NTNG1: variants seen among roughly 807,000 people sequenced by gnomAD.
The protein encoded by NTNG1 is netrin G1.
In NTNG1, 16 loss-of-function variants were observed where a neutral mutation model predicts 54.0. The observed-to-expected ratio is 0.30, with a 90% CI of 0.20 to 0.45. The LOEUF (loss-of-function observed/expected upper bound fraction) is 0.45. NTNG1 is among the 20% of genes least tolerant of loss of function. The pLI is 1.00. For missense variants in NTNG1, 530 were observed against 678.7 expected (o/e 0.78, Z 2.43); for synonymous variants, 255 against 263.1 (o/e 0.97, Z 0.30).
At chr1:107,452,295 CA>C (rs1201683037) in intron 7 of NTNG1, among the ~76,000 whole-genome samples, 2 of 152,112 alleles carry the variant, frequency 1.3e-5, no homozygotes, top group Non-Finnish European at 1.5e-5. Flanking sequence ...AAATTCTGAT[CA>C]TAAATTTGGG....
intron 2 of NTNG1, among the ~76,000 whole-genome samples, chr1:107,182,992 G>A (rs12087935): frequency 0.082 from 12,468 of 152,192 alleles, 1,717 homozygotes; most frequent in African/African-American, 0.28. Flanking sequence ...ATGGGATCTA[G>A]CAGGCTGGGA....
intron 7 of NTNG1, among the ~76,000 whole-genome samples, chr1:107,451,625 C>T (rs1259412326): frequency 6.6e-6 from 1 of 152,000 alleles, no homozygotes; most frequent in South Asian, 2.1e-4. Context: ...ATGTATTAGT[C>T]GTTGCAGCTA....
chr1:107,209,325 C>G (rs1659439782), intron 2 of NTNG1, among the ~76,000 whole-genome samples: 1 of 151,814 alleles, frequency 6.6e-6, no homozygotes, highest in Non-Finnish European at 1.5e-5. Flanking sequence ...CACTATGTGC[C>G]AAGAGCTGTA....
At chr1:107,397,823 T>G (rs552852659) in intron 4 of NTNG1, among the ~76,000 whole-genome samples, 4 of 152,196 alleles carry the variant, frequency 2.6e-5, no homozygotes, top group Admixed American at 2.0e-4. Context: ...ACTCCAATTC[T>G]TATGTGCTAA....
intron 6 of NTNG1, among the ~76,000 whole-genome samples, 161 bp downstream of exon 6, chr1:107,431,078 A>G (rs1274497594): frequency 2.0e-5 from 3 of 152,144 alleles, no homozygotes; most frequent in African/African-American, 4.8e-5. Flanking sequence ...TTTCACTTGT[A>G]TTGGTTGAAA....
At chr1:107,468,819 C>T (rs889970908) in intron 7 of NTNG1, among the ~76,000 whole-genome samples, 9 of 149,934 alleles carry the variant, frequency 6.0e-5, no homozygotes, top group African/African-American at 2.2e-4. Flanking sequence ...ATAGGAAGGC[C>T]GGGTGTGGTG....
At chr1:107,287,469 A>G (rs1347698350) in intron 2 of NTNG1, among the ~76,000 whole-genome samples, 1 of 152,148 alleles carries the variant, frequency 6.6e-6, no homozygotes, top group Non-Finnish European at 1.5e-5. Flanking sequence ...CATTTAAAGC[A>G]TAGTGCAGTG....
At chr1:107,140,468 G>T (rs920568073), upstream of NTNG1, among the ~76,000 whole-genome samples, 1 of 152,090 alleles carries the variant, frequency 6.6e-6, no homozygotes, top group Non-Finnish European at 1.5e-5. Context: ...GAAGCGTCGT[G>T]GGCCATGTAT....
chr1:107,213,722 T>C (rs988453787), intron 2 of NTNG1, among the ~76,000 whole-genome samples: 1 of 152,172 alleles, frequency 6.6e-6, no homozygotes, highest in Non-Finnish European at 1.5e-5. Flanking sequence ...TTCCTAATCA[T>C]TATTCTTTGA....
intron 2 of NTNG1, among the ~76,000 whole-genome samples, chr1:107,198,549 T>G (rs1046630989): frequency 4.6e-5 from 7 of 151,916 alleles, no homozygotes; most frequent in Admixed American, 1.3e-4. Flanking sequence ...TGTCCAAAAG[T>G]TCAGTACTTG....
intron 3 of NTNG1, among the ~76,000 whole-genome samples, chr1:107,349,565 T>A (rs1213427538): frequency 6.6e-6 from 1 of 152,176 alleles, no homozygotes; most frequent in Non-Finnish European, 1.5e-5. Context: ...TGCTGCTACA[T>A]GTCCCTGACT....
At chr1:107,360,609 T>C (rs185705982) in intron 3 of NTNG1, among the ~76,000 whole-genome samples, 104 of 152,330 alleles carry the variant, frequency 6.8e-4, no homozygotes, top group Non-Finnish European at 1.1e-3. Flanking sequence ...AATTCATGGG[T>C]AGTACATAAA....
At chr1:107,347,999 A>C (rs1303272223) in intron 3 of NTNG1, among the ~76,000 whole-genome samples, 1 of 152,062 alleles carries the variant, frequency 6.6e-6, no homozygotes, top group African/African-American at 2.4e-5. Flanking sequence ...TTGGGTGGGG[A>C]CACAGAGCCA....
chr1:107,175,285 C>T (rs184827498), intron 2 of NTNG1, among the ~76,000 whole-genome samples: 99 of 152,240 alleles, frequency 6.5e-4, no homozygotes, highest in African/African-American at 2.3e-3. Flanking sequence ...ATATCCTGAT[C>T]AAACTTTGCA....
intron 2 of NTNG1, among the ~76,000 whole-genome samples, chr1:107,290,963 T>TTTTA (rs1553218724): frequency 1.4e-5 from 2 of 142,530 alleles, no homozygotes; most frequent in African/African-American, 2.6e-5. Flanking sequence ...TATATATATA[T>TTTTA]TATATATATA....
chr1:107,148,897 A>C lies in NTNG1; in HGVS notation c.246+58A>C. On this transcript the variant is annotated intron_variant, in intron 2 of 7. Coordinates refer to ENST00000370068, the MANE Select transcript of NTNG1 (RefSeq NM_001113226.3). ...ATAAATAGGGTCTAATCGCATATGC[A>C]TACAGATGTGGTGAGTGTGAAGACA... is the stretch of plus-strand genomic sequence containing the variant. 3 of 1,521,450 alleles carry C rather than the reference A, an allele frequency of 2.0e-6. No individual in the cohort carries two copies. In the South Asian group the frequency reaches 3.5e-5, roughly 18 times the overall value. 94.2% of individuals were successfully genotyped at this position (1,521,450 alleles called of 1,614,324 possible). A position where few individuals can be genotyped will look rare whatever the true frequency, so the allele number is the denominator to read the frequency against.
intron 2 of NTNG1, among the ~76,000 whole-genome samples, chr1:107,164,833 A>G (rs1321490390): frequency 1.3e-5 from 2 of 152,166 alleles, no homozygotes; most frequent in Non-Finnish European, 2.9e-5. Context: ...CAGCAAGGCA[A>G]TTTTTACTTC....
At position 107,481,436 on chromosome 1, in the gene NTNG1, A is replaced by C. The variant is rs1678707369; in HGVS notation, c.*596A>C. Reference sequence around the variant, plus strand: ...ACAGCCCCCTCTAAAAGCGCAAGCCAGTCATACCCCTGTATATCTTAGCAG... The same window carrying C: ...ACAGCCCCCTCTAAAAGCGCAAGCCCGTCATACCCCTGTATATCTTAGCAG... On this transcript the variant is annotated 3_prime_UTR_variant, in exon 8 of 8. Transcript: ENST00000370068. 6.5e-6 allele frequency: 1 copy of C among 153,138 alleles called. No individual in the cohort carries two copies. The highest frequency in any genetic ancestry group is 1.5e-5 in the Non-Finnish European group (1 of 68,434). The allele number at this position is 153,138 out of a possible 1,614,324, so 9.5% of individuals were successfully genotyped here.
intron 3 of NTNG1, 100 bp from the exon 4 acceptor site, chr1:107,395,054 C>T (rs1044258699): frequency 4.5e-6 from 4 of 892,154 alleles, no homozygotes; most frequent in Non-Finnish European, 7.2e-6. Flanking sequence ...CTGTGTATCA[C>T]TAAAGCACTG....
Sources: gnomAD v4.1 joint callset for allele counts (sites outside exome capture counted in the v4.1 genomes callset) on GRCh38, gnomAD v4.1.1 for gene constraint, MANE v1.5 for transcripts, NCBI Gene and HGNC (gene_info 2026-07-23, HGNC 2026-07-21) for gene names.